Variants in LRMDA observed in about 807,000 individuals in gnomAD.
LRMDA encodes leucine-rich melanocyte differentiation-associated protein.
Under a neutral mutation model 29.8 loss-of-function variants are expected in LRMDA, and 18 were observed. The ratio of observed to expected loss-of-function variants is 0.60; its 90% CI spans 0.42 to 0.90. LRMDA has a LOEUF of 0.90. LRMDA is among the 40% of genes least tolerant of loss of function. The probability of loss-of-function intolerance (pLI) is 0.00; values close to 1 mark genes in which losing one functional copy is unlikely to be tolerated. For missense variants in LRMDA, 273 were observed against 273.9 expected (o/e 1.00, Z 0.02); for synonymous variants, 125 against 109.4 (o/e 1.14, Z -0.89).
intron 2 of LRMDA, among the ~76,000 whole-genome samples, chr10:75,784,555 C>T (rs1166960731): frequency 1.3e-5 from 2 of 151,780 alleles, no homozygotes; most frequent in African/African-American, 2.4e-5. Context: ...AAAAATTAGC[C>T]GGGCTTGGTG....
chr10:76,515,182 C>T (rs896563129), intron 6 of LRMDA, among the ~76,000 whole-genome samples: 4 of 152,142 alleles, frequency 2.6e-5, no homozygotes, highest in Non-Finnish European at 4.4e-5. Flanking sequence ...GGCCACTTCA[C>T]TTATGGGACT....
At chr10:75,676,852 C>T (rs1262499241) in intron 2 of LRMDA, among the ~76,000 whole-genome samples, 1 of 152,098 alleles carries the variant, frequency 6.6e-6, no homozygotes, top group Non-Finnish European at 1.5e-5. Flanking sequence ...TCTTCACATT[C>T]TCATTTGCCA....
intron 2 of LRMDA, among the ~76,000 whole-genome samples, chr10:76,018,507 C>A (rs964328640): frequency 6.6e-6 from 1 of 150,716 alleles, no homozygotes; most frequent in Non-Finnish European, 1.5e-5. Context: ...TGGGTAATTG[C>A]AAGGTAGTTG....
At chr10:76,444,930 C>A (rs1179768495) in intron 6 of LRMDA, among the ~76,000 whole-genome samples, 1 of 151,772 alleles carries the variant, frequency 6.6e-6, no homozygotes, top group East Asian at 1.9e-4. Context: ...CATATATGTT[C>A]ATGTGTACAT....
chr10:76,261,009 C>T (rs1839934563), intron 5 of LRMDA: 1 of 150,962 alleles, frequency 6.6e-6, no homozygotes, highest in African/African-American at 2.4e-5. Context: ...TAGTTCAAGA[C>T]AAAATTTCAA....
chr10:75,692,564 CGTGTGTGT>C (rs10553888), intron 2 of LRMDA, among the ~76,000 whole-genome samples: 9,880 of 140,142 alleles, frequency 0.07, 552 homozygotes, highest in East Asian at 0.17. Flanking sequence ...CATATGTATA[CGTGTGTGT>C]GTGTGTGTGT....
chr10:75,443,668 G>T (rs1278799006), intron 2 of LRMDA, among the ~76,000 whole-genome samples: 1 of 152,114 alleles, frequency 6.6e-6, no homozygotes, highest in Non-Finnish European at 1.5e-5. Context: ...CAGTGTCCTT[G>T]TCTGGCTTTG....
chr10:75,559,684 T>C (rs1312051791), intron 2 of LRMDA, among the ~76,000 whole-genome samples: 1 of 150,402 alleles, frequency 6.6e-6, no homozygotes, highest in East Asian at 1.9e-4. Flanking sequence ...TTTAAGTCTT[T>C]AATCCATCTT....
chr10:75,486,653 G>C (rs544576348), intron 2 of LRMDA, among the ~76,000 whole-genome samples: 5 of 152,034 alleles, frequency 3.3e-5, no homozygotes, highest in Non-Finnish European at 5.9e-5. Context: ...TCTGGGGGGG[G>C]CAACATGAGC....
At chr10:76,038,982 A>G (rs971365240) in intron 3 of LRMDA, among the ~76,000 whole-genome samples, 1 of 152,152 alleles carries the variant, frequency 6.6e-6, no homozygotes, top group Non-Finnish European at 1.5e-5. Context: ...GACCTCACTC[A>G]TATGTCTGGA....
At chr10:76,479,891 A>G (rs1420960065) in intron 6 of LRMDA, among the ~76,000 whole-genome samples, 3 of 151,824 alleles carry the variant, frequency 2.0e-5, no homozygotes, top group Admixed American at 6.6e-5. Context: ...TTATAGCCTT[A>G]ACTTATTTTA....
At chr10:75,605,487 A>G (rs2132094426) in intron 2 of LRMDA, among the ~76,000 whole-genome samples, 2 of 152,314 alleles carry the variant, frequency 1.3e-5, no homozygotes, top group Middle Eastern at 6.9e-3. Flanking sequence ...TTTCTTCCCC[A>G]GCAGTCGAAG....
At chr10:75,868,460 C>T (rs1845055606) in intron 2 of LRMDA, among the ~76,000 whole-genome samples, 2 of 152,096 alleles carry the variant, frequency 1.3e-5, no homozygotes, top group African/African-American at 4.8e-5. Flanking sequence ...GCCTAGTAAA[C>T]GTTGTCATTA....
intron 2 of LRMDA, among the ~76,000 whole-genome samples, chr10:75,979,631 TC>T (rs1847131160): frequency 6.6e-6 from 1 of 152,182 alleles, no homozygotes; most frequent in Non-Finnish European, 1.5e-5. Context: ...CTTGTTTATG[TC>T]CTTTTTGGTG....
At chr10:76,276,319 T>C (rs950158494) in intron 5 of LRMDA, among the ~76,000 whole-genome samples, 9 of 151,728 alleles carry the variant, frequency 5.9e-5, no homozygotes, top group Non-Finnish European at 1.0e-4. Context: ...TTTTTTTTTC[T>C]TTTTTGCAGT....
intron 2 of LRMDA, among the ~76,000 whole-genome samples, chr10:75,735,584 G>A (rs189742378): frequency 6.6e-6 from 1 of 152,240 alleles, no homozygotes; most frequent in East Asian, 1.9e-4. Flanking sequence ...CATGCTGGAG[G>A]CACCTTGCTC....
At chr10:76,494,862 T>C (rs1008220018) in intron 6 of LRMDA, among the ~76,000 whole-genome samples, 2 of 151,948 alleles carry the variant, frequency 1.3e-5, no homozygotes, top group East Asian at 3.9e-4. Context: ...CTATTTAATA[T>C]TTTGTTTCTA....
At chr10:75,688,693 C>G (rs908977276) in intron 2 of LRMDA, among the ~76,000 whole-genome samples, 1 of 152,150 alleles carries the variant, frequency 6.6e-6, no homozygotes, top group African/African-American at 2.4e-5. Context: ...TACTATCAAA[C>G]GGCATCACAC....
chr10:75,497,619 C>G (rs1026870001), intron 2 of LRMDA, among the ~76,000 whole-genome samples: 7 of 151,404 alleles, frequency 4.6e-5, no homozygotes, highest in East Asian at 2.1e-4. Context: ...CCTGCTCCCT[C>G]CCCTCCATAG....
Sources: gnomAD v4.1 joint callset for allele counts (sites outside exome capture counted in the v4.1 genomes callset) on GRCh38, gnomAD v4.1.1 for gene constraint, MANE v1.5 for transcripts, NCBI Gene and HGNC (gene_info 2026-07-23, HGNC 2026-07-21) for gene names.